The following SIL1 variants were observed in gnomAD, a reference collection of about 807,000 sequenced individuals.
SIL1 encodes the protein nucleotide exchange factor SIL1.
Under a neutral mutation model 49.1 loss-of-function variants are expected in SIL1, and 40 were observed. The ratio of observed to expected loss-of-function variants is 0.81; its 90% CI spans 0.63 to 1.06. SIL1 has a LOEUF of 1.06. SIL1 is among the 50% of genes least tolerant of loss of function. SIL1 has a pLI of 0.00. For synonymous variants in SIL1, 253 were observed against 250.8 expected (o/e 1.01, Z -0.08); for missense variants, 500 against 572.6 (o/e 0.87, Z 1.29).
intron 2 of SIL1, among the ~76,000 whole-genome samples, chr5:139,123,144 C>A (rs1467503853): frequency 6.6e-6 from 1 of 152,206 alleles, no homozygotes; most frequent in African/African-American, 2.4e-5. Flanking sequence ...AATATGGCAT[C>A]ATTCAAGCAG....
chr5:139,111,363 T>C (rs1770834382), intron 3 of SIL1, among the ~76,000 whole-genome samples: 1 of 152,236 alleles, frequency 6.6e-6, no homozygotes, highest in Admixed American at 6.5e-5. Context: ...GCTACCTAAA[T>C]AACTTTGCCC....
intron 7 of SIL1, among the ~76,000 whole-genome samples, chr5:138,953,030 CCAA>C (rs768035962): frequency 1.7e-4 from 26 of 152,344 alleles, no homozygotes; most frequent in African/African-American, 4.8e-4. Flanking sequence ...AAGCCTGAGG[CCAA>C]CAACAAGTGA....
Position 139,050,701 on chromosome 5 carries a change from G to A in SIL1, c.353+237C>T, listed in dbSNP as rs758683762. Among the ~76,000 whole-genome samples the A allele has an allele frequency of 3.3e-5, 5 of 152,204 alleles. 1 individual carries two copies. The highest frequency in any genetic ancestry group is 7.2e-5 in the African/African-American group (3 of 41,448). ...TGGGAAAAATAGTTTCATTTTTAAAGCAGGTTAAGCATTCCCCCTACAGCC... is the reference window on the plus strand; with the variant it reads ...TGGGAAAAATAGTTTCATTTTTAAAACAGGTTAAGCATTCCCCCTACAGCC... On this transcript the variant is annotated intron_variant, in intron 4 of 9. Coordinates refer to ENST00000394817, the MANE Select transcript of SIL1 (RefSeq NM_022464.5).
intron 1 of SIL1, among the ~76,000 whole-genome samples, chr5:139,167,423 T>G (rs1296352402): frequency 6.6e-6 from 1 of 152,234 alleles, no homozygotes; most frequent in Non-Finnish European, 1.5e-5. Flanking sequence ...GTGATGTTAA[T>G]GATCCTGACC....
chr5:139,155,448 T>TGAGAGAGTGAGAGAGAGAGAGAGAGAGA (rs1554136155), intron 1 of SIL1: 13 of 125,992 alleles, frequency 1.0e-4, no homozygotes, highest in African/African-American at 2.7e-5. Context: ...GTACACAGAG[T>TGAGAGAGTGAGAGAGAGAGAGAGAGAGA]GAGAGAGAGA....
chr5:139,111,071 T>C (rs1770828479), intron 3 of SIL1, among the ~76,000 whole-genome samples: 4 of 152,232 alleles, frequency 2.6e-5, no homozygotes, highest in African/African-American at 9.6e-5. Context: ...ACTGGACTTT[T>C]CCTAATACTG....
At chr5:138,949,817 GAAAA>G (rs1766724423) in intron 9 of SIL1, among the ~76,000 whole-genome samples, 2 of 134,992 alleles carry the variant, frequency 1.5e-5, no homozygotes, top group South Asian at 4.9e-4. Flanking sequence ...AAAAAAAAAA[GAAAA>G]AAGAAAAGAA....
chr5:139,034,933 A>G (rs1256533080), intron 5 of SIL1, among the ~76,000 whole-genome samples: 1 of 152,142 alleles, frequency 6.6e-6, no homozygotes, highest in Non-Finnish European at 1.5e-5. Context: ...AGCATCTATT[A>G]TTTTTTGACT....
At chr5:139,060,838 G>A (rs900800670) in intron 3 of SIL1, among the ~76,000 whole-genome samples, 2 of 152,068 alleles carry the variant, frequency 1.3e-5, no homozygotes, top group Admixed American at 1.3e-4. Flanking sequence ...TGAAGTTCTT[G>A]GAACGTTAGG....
chr5:139,004,638 T>C (rs1768068498), intron 7 of SIL1, among the ~76,000 whole-genome samples: 1 of 152,204 alleles, frequency 6.6e-6, no homozygotes, highest in Non-Finnish European at 1.5e-5. Context: ...CTATTTACCT[T>C]GTCTACTGAA....
At chr5:139,128,281 A>T (rs758978092) in intron 1 of SIL1, among the ~76,000 whole-genome samples, 3 of 152,226 alleles carry the variant, frequency 2.0e-5, no homozygotes, top group African/African-American at 7.2e-5. Context: ...CTGAAGACAG[A>T]TGGCATCAAT....
At chr5:139,068,138 G>A (rs533098005) in intron 3 of SIL1, among the ~76,000 whole-genome samples, 3 of 152,262 alleles carry the variant, frequency 2.0e-5, no homozygotes, top group Non-Finnish European at 4.4e-5. Context: ...AAGCAACGTC[G>A]TCTAATCTAC....
intron 3 of SIL1, among the ~76,000 whole-genome samples, chr5:139,075,408 C>A (rs568258160): frequency 6.6e-6 from 1 of 152,228 alleles, no homozygotes; most frequent in East Asian, 1.9e-4. Flanking sequence ...AAGCAATAAT[C>A]CAAGGACTTT....
intron 5 of SIL1, among the ~76,000 whole-genome samples, chr5:139,041,473 T>C (rs541480040): frequency 2.0e-5 from 3 of 152,246 alleles, no homozygotes; most frequent in South Asian, 2.1e-4. Context: ...CTCTAGGACA[T>C]TACCTGGATT....
chr5:139,021,493 G>A (rs988136472), intron 6 of SIL1, among the ~76,000 whole-genome samples: 3 of 152,160 alleles, frequency 2.0e-5, no homozygotes, highest in African/African-American at 4.8e-5. Flanking sequence ...CATCTAACAC[G>A]ATTGATGAGC....
chr5:139,171,713 G>T lies in SIL1; in HGVS notation c.-11+26556C>A, dbSNP rs145261629. Among the ~76,000 whole-genome samples the T allele has an allele frequency of 6.6e-3, 877 of 133,098 alleles. 11 individuals are homozygous for T. Among genetic ancestry groups the T allele is most frequent in the African/African-American group, 0.021 (763 of 35,864 alleles). 87.3% of individuals were successfully genotyped at this position (133,098 alleles called of 152,430 possible). On this transcript the variant is annotated intron_variant, in intron 1 of 9. Coordinates refer to ENST00000394817, the MANE Select transcript of SIL1 (RefSeq NM_022464.5). ...AATGATCAATAAAAAAAAATAAAAA[G>T]AAAAAAAATAAAAAAGAAAAAAAAA...
At chr5:139,180,148 G>A (rs922559231) in intron 1 of SIL1, among the ~76,000 whole-genome samples, 2 of 150,972 alleles carry the variant, frequency 1.3e-5, no homozygotes, top group South Asian at 4.2e-4. Flanking sequence ...TGGATCACTT[G>A]AGGCCAGGCG....
intron 1 of SIL1, among the ~76,000 whole-genome samples, chr5:139,151,278 C>G (rs560665678): frequency 1.4e-3 from 211 of 151,726 alleles, no homozygotes; most frequent in Non-Finnish European, 1.8e-3. Flanking sequence ...AGACCCTGCT[C>G]AAAACTCTCC....
intron 1 of SIL1, among the ~76,000 whole-genome samples, chr5:139,154,473 T>C (rs1751369600): frequency 6.6e-6 from 1 of 152,222 alleles, no homozygotes; most frequent in Non-Finnish European, 1.5e-5. Flanking sequence ...AATCAACATG[T>C]GCTGAGCACC....
Sources: allele counts gnomAD v4.1 joint callset (sites outside exome capture counted in the v4.1 genomes callset), GRCh38; gene constraint gnomAD v4.1.1; transcripts MANE v1.5; gene names NCBI Gene and HGNC (gene_info 2026-07-23, HGNC 2026-07-21).